Variants in EDRF1 observed in about 807,000 individuals in gnomAD.
EDRF1 encodes the protein erythroid differentiation regulatory factor 1.
In EDRF1, 69 loss-of-function variants were observed where a neutral mutation model predicts 148.7. That is an observed-to-expected ratio of 0.46 (90% confidence interval 0.38 to 0.57). EDRF1 has a LOEUF of 0.57. Among genes scored for constraint, EDRF1 ranks in the 20% least tolerant of loss-of-function variants. The pLI, the probability that EDRF1 is intolerant of heterozygous loss-of-function variation, is 0.00. For synonymous variants in EDRF1, 515 were observed against 532.8 expected, an observed-to-expected ratio of 0.97 and a Z score of 0.46; for missense variants, 1,118 against 1,478.7, an observed-to-expected ratio of 0.76 and a Z score of 4.00.
At position 125,755,966 on chromosome 10, in the gene EDRF1, C is replaced by A. The variant is rs76197033; in HGVS notation, c.3545+2121C>A. Among the ~76,000 whole-genome samples, 51 of 150,950 alleles carry A rather than the reference C, an allele frequency of 3.4e-4. 1 individual carries two copies. In the East Asian group the frequency reaches 8.6e-3, roughly 25 times the overall value. ...TCTTTTAAATGTCATCAATTTCTGC[C>A]GTTCATTTCCTTCCTTCTACTTGTT... On this transcript the variant is annotated intron_variant, in intron 24 of 24. Coordinates refer to ENST00000356792, the MANE Select transcript of EDRF1 (RefSeq NM_001202438.2).
intron 2 of EDRF1, 31 bp from the exon 3 acceptor site, chr10:125,723,037 C>T (rs1848081729): frequency 6.4e-7 from 1 of 1,573,704 alleles, no homozygotes; most frequent in Middle Eastern, 1.7e-4. Context: ...AGCATGACCT[C>T]ATAACCTGTG....
At chr10:125,742,152 C>A in intron 17 of EDRF1, 1 of 1,085,386 alleles carries the variant, frequency 9.2e-7, no homozygotes, top group Non-Finnish European at 1.2e-6. Flanking sequence ...ATAAAGTGAT[C>A]ATTGTTTTTA....
chr10:125,734,639 A>G (rs911550519), intron 12 of EDRF1, among the ~76,000 whole-genome samples: 3 of 152,076 alleles, frequency 2.0e-5, no homozygotes, highest in African/African-American at 7.2e-5. Flanking sequence ...CCACTTTGTT[A>G]ATATAAATAG....
rs1260267846 is a variant in EDRF1 at position 125,734,062 on chromosome 10, C to G, written c.1386-10C>G. ...ATGGGCAGTAAAGTTGATATAAACT[C>G]TTTTTTTAGGGTTGCTTGCAACATG... On this transcript the variant is annotated splice_polypyrimidine_tract_variant and intron_variant, in intron 11 of 24. Coordinates refer to ENST00000356792, the MANE Select transcript of EDRF1 (RefSeq NM_001202438.2). 1 of 1,606,808 alleles carries G rather than the reference C, an allele frequency of 6.2e-7. No homozygotes were observed. Among genetic ancestry groups the G allele is most frequent in the Non-Finnish European group, 8.5e-7 (1 of 1,173,662 alleles).
intron 22 of EDRF1, among the ~76,000 whole-genome samples, chr10:125,751,341 G>A (rs913151656): frequency 6.6e-5 from 10 of 151,188 alleles, no homozygotes; most frequent in Admixed American, 2.6e-4. Flanking sequence ...TGTGGGTTTT[G>A]TAAGCCAAGT....
In EDRF1 at chr10:125,719,846, G is replaced by A; in HGVS notation, c.39G>A (p.Pro13=). Residue 13 remains proline (P), a synonymous_variant, in exon 1 of 25, where the codon CCG becomes CCA. Transcript: ENST00000356792. Reference sequence around the variant, plus strand: ...AGGAGGCCGGAGCCGAGGGTCCGCCGGCCGGGGCCGCCGCTCGAGGAGGGC... The same window carrying A: ...AGGAGGCCGGAGCCGAGGGTCCGCCAGCCGGGGCCGCCGCTCGAGGAGGGC... ...DAKEAGAEGP[P]AGAAARGGLS... 3 of 1,612,286 alleles carry A rather than the reference G, an allele frequency of 1.9e-6. No homozygotes were observed. In the East Asian group the frequency reaches 6.7e-5, roughly 36 times the overall value.
At chr10:125,735,536 GGAAACAGCCTGT>G (rs1848683010) in intron 12 of EDRF1, 96 bp from the exon 13 acceptor site, 1 of 1,061,570 alleles carries the variant, frequency 9.4e-7, no homozygotes, top group African/African-American at 1.6e-5. Flanking sequence ...TCTATATGGT[GGAAACAGCCTGT>G]GTGCAGACCT....
At chr10:125,727,451 A>G (rs1475567276) in intron 6 of EDRF1, among the ~76,000 whole-genome samples, 1 of 152,202 alleles carries the variant, frequency 6.6e-6, no homozygotes, top group Non-Finnish European at 1.5e-5. Context: ...TGACTGTGGG[A>G]TGGTCCTAGA....
chr10:125,756,659 T>G, intron 24 of EDRF1: 1 of 313,298 alleles, frequency 3.2e-6, no homozygotes, highest in South Asian at 2.6e-5. Flanking sequence ...AGAACTGACC[T>G]CCTTATTACT....
chr10:125,739,606 A>G (rs996241600), intron 15 of EDRF1, among the ~76,000 whole-genome samples: 7 of 152,254 alleles, frequency 4.6e-5, no homozygotes, highest in Non-Finnish European at 1.0e-4. Flanking sequence ...AGCAGAGGAA[A>G]AAAATCCATA....
intron 24 of EDRF1, among the ~76,000 whole-genome samples, chr10:125,759,476 C>T (rs1210061664): frequency 2.6e-5 from 4 of 152,012 alleles, no homozygotes; most frequent in African/African-American, 9.7e-5. Flanking sequence ...CAATAATTGC[C>T]TTTGAACTAA....
Position 125,729,114 on chromosome 10 carries a change from C to T in EDRF1, c.894+10C>T. ...CGGGGAGCACAGTCAGGTATGCTTTCCATGGTGTCCAAGGTGACAGCAAAT... is the reference window on the plus strand; with the variant it reads ...CGGGGAGCACAGTCAGGTATGCTTTTCATGGTGTCCAAGGTGACAGCAAAT... On this transcript the variant is annotated intron_variant, in intron 7 of 24. Coordinates refer to ENST00000356792, the MANE Select transcript of EDRF1 (RefSeq NM_001202438.2). 6.4e-7 allele frequency: 1 copy of T among 1,553,432 alleles called. No individual in the cohort carries two copies. Among genetic ancestry groups the T allele is most frequent in the African/African-American group, 1.4e-5 (1 of 74,034 alleles).
chr10:125,742,810 C>T (rs79602464), intron 17 of EDRF1: 2 of 976,182 alleles, frequency 2.0e-6, no homozygotes, highest in Non-Finnish European at 2.4e-6. Context: ...ACCTGGGTCA[C>T]AGAAATTGTT....
chr10:125,725,953 G>C, intron 6 of EDRF1, 115 bp downstream of exon 6: 1 of 1,162,058 alleles, frequency 8.6e-7, no homozygotes, highest in Non-Finnish European at 1.2e-6. Context: ...GTCAGCTTAT[G>C]GAATGGGGGA....
In EDRF1 at chr10:125,719,760, T is replaced by G. The variant is rs1189706149; in HGVS notation, c.-48T>G. 2 of 1,508,312 alleles carry G rather than the reference T, an allele frequency of 1.3e-6. No homozygotes were observed. Among genetic ancestry groups the G allele is most frequent in the Non-Finnish European group, 1.8e-6 (2 of 1,102,796 alleles). 93.4% of individuals were successfully genotyped at this position (1,508,312 alleles called of 1,614,324 possible). On this transcript the variant is annotated 5_prime_UTR_variant, in exon 1 of 25. Coordinates refer to ENST00000356792, the MANE Select transcript of EDRF1 (RefSeq NM_001202438.2). ...CCCTGCTTTGGGCCTGCGTTGCTGC[T>G]GCTGCTCCTCCGCTCCCCCGTCGTA...
At chr10:125,743,964 C>T (rs146347434) in intron 18 of EDRF1, among the ~76,000 whole-genome samples, 24 of 152,220 alleles carry the variant, frequency 1.6e-4, no homozygotes, top group African/African-American at 5.8e-4. Flanking sequence ...CATTTGGGCC[C>T]ATGTTGAATT....
intron 17 of EDRF1, chr10:125,742,434 A>C (rs1849076212): frequency 1.8e-6 from 2 of 1,104,510 alleles, no homozygotes; most frequent in South Asian, 2.2e-5. Context: ...CCAGAGTTTT[A>C]GACAATTCAT....
At chr10:125,732,899 G>A (rs1157293411) in intron 9 of EDRF1, among the ~76,000 whole-genome samples, 1 of 152,084 alleles carries the variant, frequency 6.6e-6, no homozygotes. Flanking sequence ...CTCCATCCCT[G>A]TGAAGTAATA....
intron 9 of EDRF1, among the ~76,000 whole-genome samples, chr10:125,732,601 A>G (rs1369340997): frequency 1.3e-5 from 2 of 152,194 alleles, no homozygotes; most frequent in Admixed American, 6.5e-5. Context: ...GAACAAGAAT[A>G]GCACAGATTA....
Sources: allele counts gnomAD v4.1 joint callset (sites outside exome capture counted in the v4.1 genomes callset), GRCh38; gene constraint gnomAD v4.1.1; transcripts MANE v1.5; gene names NCBI Gene and HGNC (gene_info 2026-07-23, HGNC 2026-07-21).